The following IPCEF1 variants were observed in gnomAD, a reference collection of about 807,000 sequenced individuals.
IPCEF1 encodes the protein interactor protein for cytohesin exchange factors 1.
Under a neutral mutation model 50.9 loss-of-function variants are expected in IPCEF1, and 31 were observed. The ratio of observed to expected loss-of-function variants is 0.61; its 90% CI spans 0.46 to 0.82. The LOEUF (loss-of-function observed/expected upper bound fraction) is 0.82. Ranked by LOEUF, IPCEF1 falls within the 40% of genes least tolerant of loss-of-function variation. The pLI, the probability that IPCEF1 is intolerant of heterozygous loss-of-function variation, is 0.00. For missense variants in IPCEF1, 458 were observed against 514.0 expected (o/e 0.89, Z 1.05); for synonymous variants, 181 against 192.0 (o/e 0.94, Z 0.47).
Position 154,166,374 on chromosome 6 carries a change from C to G in IPCEF1, c.1104+1546G>C, listed in dbSNP as rs548675664. 2.0e-5 allele frequency among the ~76,000 whole-genome samples: 3 copies of G among 152,336 alleles called. No individual in the cohort carries two copies. In the East Asian group the frequency reaches 5.8e-4, roughly 29 times the overall value. On this transcript the variant is annotated intron_variant, in intron 11 of 11. Transcript: ENST00000367220. The stretch of plus-strand genomic sequence containing the variant: ...GAAGGCCTGAGGCCACAGCCTTTCT[C>G]CTTCTACTAATGACTCAAACTGCAC...
intron 2 of IPCEF1, among the ~76,000 whole-genome samples, chr6:154,275,521 C>T (rs1426256537): frequency 6.6e-6 from 1 of 152,176 alleles, no homozygotes; most frequent in Non-Finnish European, 1.5e-5. Flanking sequence ...ATAGGAATAG[C>T]AAGCGATGGC....
intron 7 of IPCEF1, among the ~76,000 whole-genome samples, chr6:154,218,098 C>T (rs1778557107): frequency 6.6e-6 from 1 of 152,094 alleles, no homozygotes; most frequent in African/African-American, 2.4e-5. Context: ...TTTTTTAAAA[C>T]ATCATGGCAG....
intron 10 of IPCEF1, among the ~76,000 whole-genome samples, chr6:154,191,657 G>A (rs953587544): frequency 1.8e-4 from 27 of 147,538 alleles, no homozygotes; most frequent in African/African-American, 6.8e-4. Context: ...CTGGGTGACA[G>A]AGTGAGACTT....
intron 10 of IPCEF1, among the ~76,000 whole-genome samples, chr6:154,174,220 G>A (rs928335281): frequency 2.0e-5 from 3 of 152,148 alleles, no homozygotes; most frequent in Non-Finnish European, 4.4e-5. Context: ...GCAAAAACAT[G>A]CCAAATTGTA....
intron 2 of IPCEF1, among the ~76,000 whole-genome samples, chr6:154,287,310 T>G (rs892001253): frequency 1.3e-5 from 2 of 152,048 alleles, no homozygotes; most frequent in Admixed American, 6.6e-5. Context: ...CAATTAAACC[T>G]CCTTTCTTTA....
intron 3 of IPCEF1, among the ~76,000 whole-genome samples, chr6:154,250,898 C>A (rs1302922437): frequency 2.0e-5 from 3 of 152,160 alleles, no homozygotes; most frequent in African/African-American, 7.2e-5. Flanking sequence ...ACATCATTGA[C>A]AGTTTCAAAT....
intron 3 of IPCEF1, among the ~76,000 whole-genome samples, chr6:154,256,447 A>G (rs1420309714): frequency 6.6e-6 from 1 of 152,136 alleles, no homozygotes; most frequent in Non-Finnish European, 1.5e-5. Context: ...TTAAATTTGC[A>G]GAATTGCAAG....
chr6:154,204,259 T>G (rs1777305894), intron 9 of IPCEF1, among the ~76,000 whole-genome samples: 1 of 152,176 alleles, frequency 6.6e-6, no homozygotes, highest in Non-Finnish European at 1.5e-5. Context: ...AAACACAAGT[T>G]TGACATGGTG....
At position 154,168,119 on chromosome 6, in the gene IPCEF1, T is replaced by TA; in HGVS notation, c.911-7_911-6insT. 2.0e-6 allele frequency: 3 copies of TA among 1,515,852 alleles called. No homozygotes were observed. The highest frequency in any genetic ancestry group is 1.8e-6 in the Non-Finnish European group (2 of 1,123,886). 93.9% of individuals were successfully genotyped at this position (1,515,852 alleles called of 1,614,324 possible). On this transcript the variant is annotated splice_region_variant and splice_polypyrimidine_tract_variant and intron_variant, in intron 10 of 11. Coordinates refer to ENST00000367220, the MANE Select transcript of IPCEF1 (RefSeq NM_001130700.2). This position sits in a 1 kb window ranked among gnomAD's most constrained non-coding sequence, Gnocchi z 4.1. ...TTCAGACACTTTTGTCTCTTCTATT[T>TA]GAAAAAAAAAAAGAAAGCAGTAACA...
At chr6:154,301,189 G>A (rs1413173614) in intron 1 of IPCEF1, among the ~76,000 whole-genome samples, 2 of 152,120 alleles carry the variant, frequency 1.3e-5, no homozygotes, top group East Asian at 1.9e-4. Context: ...CATTGTTGTC[G>A]TAGTCTATGG....
intron 1 of IPCEF1, among the ~76,000 whole-genome samples, chr6:154,309,841 G>T (rs1209446623): frequency 6.6e-6 from 1 of 150,758 alleles, no homozygotes. Flanking sequence ...TTGGCTCACT[G>T]CAACCTCCGC....
At chr6:154,212,608 G>T (rs1562544359) in intron 9 of IPCEF1, among the ~76,000 whole-genome samples, 162 bp downstream of exon 9, 1 of 152,172 alleles carries the variant, frequency 6.6e-6, no homozygotes, top group Admixed American at 6.5e-5. Flanking sequence ...CTATGGAGAA[G>T]GCTCAAAATC....
At chr6:154,340,304 G>C (rs1783883061) in intron 1 of IPCEF1, among the ~76,000 whole-genome samples, 1 of 151,918 alleles carries the variant, frequency 6.6e-6, no homozygotes, top group South Asian at 2.1e-4. Context: ...AGGCTGGAGT[G>C]CAGTGGTGTG....
At chr6:154,262,457 T>A (rs1781624841) in intron 3 of IPCEF1, among the ~76,000 whole-genome samples, 2 of 152,250 alleles carry the variant, frequency 1.3e-5, no homozygotes, top group Admixed American at 6.5e-5. Flanking sequence ...GTTCCTACCC[T>A]ACCTGGTACA....
intron 1 of IPCEF1, among the ~76,000 whole-genome samples, chr6:154,338,763 A>T (rs1218017657): frequency 6.6e-6 from 1 of 152,140 alleles, no homozygotes; most frequent in Non-Finnish European, 1.5e-5. Context: ...TCCAAAAAAC[A>T]TACAAAAAAT....
At chr6:154,330,161 A>G (rs1689729286) in intron 1 of IPCEF1, 1 of 152,144 alleles carries the variant, frequency 6.6e-6, no homozygotes, top group South Asian at 2.1e-4. Context: ...AGAGCACAGC[A>G]ATGACCAACA....
chr6:154,197,345 G>C (rs1776698495), intron 10 of IPCEF1, among the ~76,000 whole-genome samples: 1 of 152,130 alleles, frequency 6.6e-6, no homozygotes, highest in Non-Finnish European at 1.5e-5. Context: ...GCAAAGATTG[G>C]GTTGCTGTTT....
chr6:154,285,222 C>T lies in IPCEF1; in HGVS notation c.-18+4491G>A, dbSNP rs533883244. Reference sequence around the variant, plus strand: ...TGGAAGGTAATTTTATTAGGAAAGACATTGGTATCTCTACTGAGGATAATA... The same window carrying T: ...TGGAAGGTAATTTTATTAGGAAAGATATTGGTATCTCTACTGAGGATAATA... On this transcript the variant is annotated intron_variant, in intron 2 of 11. Transcript: ENST00000367220. Among the ~76,000 whole-genome samples, 6 of 152,270 alleles carry T rather than the reference C, an allele frequency of 3.9e-5. 1 individual carries two copies. Among genetic ancestry groups the T allele is most frequent in the African/African-American group, 1.4e-4 (6 of 41,550 alleles).
In IPCEF1 at chr6:154,337,996, T is replaced by A. The variant is rs137973107; in HGVS notation, c.-62+18676A>T. Among the ~76,000 whole-genome samples the A allele has an allele frequency of 9.1e-4, 138 of 152,310 alleles. 1 individual carries two copies. Among genetic ancestry groups the A allele is most frequent in the African/African-American group, 3.2e-3 (134 of 41,568 alleles). The stretch of plus-strand genomic sequence containing the variant: ...GAGTTAAGTGGCCTGTCCAAAGCCA[T>A]CCTACTAGTCAATGGCTAAGCTGAG... On this transcript the variant is annotated intron_variant, in intron 1 of 11. Transcript: ENST00000367220.
Sources: gnomAD v4.1 joint callset for allele counts (sites outside exome capture counted in the v4.1 genomes callset) on GRCh38, gnomAD v4.1.1 for gene constraint, Gnocchi (gnomAD v3.1) non-coding constraint, MANE v1.5 for transcripts, NCBI Gene and HGNC (gene_info 2026-07-23, HGNC 2026-07-21) for gene names.